Variants in TRPM8 observed in about 807,000 individuals in gnomAD.
The protein encoded by TRPM8 is transient receptor potential cation channel subfamily M member 8, also known as TRPM8 cationic channel.
In TRPM8, 110 loss-of-function variants were observed where a neutral mutation model predicts 133.7. The ratio of observed to expected loss-of-function variants is 0.82; its 90% confidence interval spans 0.70 to 0.96. The LOEUF (loss-of-function observed/expected upper bound fraction) is 0.96. Among genes scored for constraint, TRPM8 ranks in the 40% least tolerant of loss-of-function variants. The pLI is 0.00. For synonymous variants in TRPM8, 535 were observed against 532.3 expected (o/e 1.01, Z -0.07); for missense variants, 1,291 against 1,379.5 (o/e 0.94, Z 1.02).
intron 2 of TRPM8, among the ~76,000 whole-genome samples, 175 bp from the exon 3 acceptor site, chr2:233,930,493 A>G (rs567149299): frequency 1.3e-5 from 2 of 152,342 alleles, no homozygotes; most frequent in Middle Eastern, 3.4e-3. Flanking sequence ...TAAAGTTTGC[A>G]TCTTTAAAAA....
intron 2 of TRPM8, among the ~76,000 whole-genome samples, chr2:233,928,755 T>G (rs1691621311): frequency 6.6e-6 from 1 of 152,192 alleles, no homozygotes. Context: ...AAGAATGCTC[T>G]TGTGCCCACC....
At chr2:233,990,630 G>A (rs1271779068) in intron 21 of TRPM8, among the ~76,000 whole-genome samples, 1 of 152,136 alleles carries the variant, frequency 6.6e-6, no homozygotes, top group East Asian at 1.9e-4. Context: ...ACTAATCACG[G>A]GTTTCTGTGC....
chr2:233,935,289 C>A (rs759660438), intron 3 of TRPM8, among the ~76,000 whole-genome samples: 22 of 152,206 alleles, frequency 1.4e-4, no homozygotes, highest in Non-Finnish European at 2.8e-4. Context: ...TGCAGGGGAT[C>A]CTTGCTCCAG....
At chr2:233,999,445 G>A (rs892247761) in intron 22 of TRPM8, among the ~76,000 whole-genome samples, 3 of 151,876 alleles carry the variant, frequency 2.0e-5, no homozygotes, top group Non-Finnish European at 4.4e-5. Flanking sequence ...CAGACAGAAC[G>A]GGTAGAGAAT....
intron 24 of TRPM8, chr2:234,013,871 GTT>G (rs1340642652): frequency 6.6e-6 from 1 of 152,072 alleles, no homozygotes; most frequent in Non-Finnish European, 1.5e-5. Context: ...TTTTTAAACA[GTT>G]AAAGTAAAAG....
chr2:233,972,524 C>T lies in TRPM8; in HGVS notation c.2355+2098C>T, dbSNP rs181118832. ...CTGGGCGCCATGGAGCAGGGGGTGG[C>T]GCTCGTGGAGGAGGCTCGGGCAGCA... On this transcript the variant is annotated intron_variant, in intron 17 of 25. Transcript: ENST00000324695. 6.1e-3 allele frequency among the ~76,000 whole-genome samples: 923 copies of T among 152,294 alleles called. 12 individuals carry two copies. Among genetic ancestry groups the T allele is most frequent in the African/African-American group, 0.02 (844 of 41,562 alleles).
chr2:233,949,854 G>T (rs575560920), intron 8 of TRPM8, 95 bp from the exon 9 acceptor site: 1 of 1,100,554 alleles, frequency 9.1e-7, no homozygotes, highest in African/African-American at 1.6e-5. Context: ...GGATGTGTCC[G>T]TGTGTTTCCT....
rs532528408 is a variant in TRPM8, at chr2:234,008,196, G to T, written c.3264+93G>T. 1.2e-4 allele frequency: 155 copies of T among 1,274,124 alleles called. No individual in the cohort carries two copies. The East Asian group carries it at 2.1e-3, about 18-fold the overall frequency. The allele number at this position is 1,274,124 out of a possible 1,614,324, so 78.9% of individuals were successfully genotyped here. ...GAGGCCAGTAGTTGTGATAATAAAA[G>T]AAGTTATATTCAGCTTTCTTAATTC... On this transcript the variant is annotated intron_variant, in intron 24 of 25. Coordinates refer to ENST00000324695, the MANE Select transcript of TRPM8 (RefSeq NM_024080.5).
At position 233,996,387 on chromosome 2, in the gene TRPM8, C is replaced by A; in HGVS notation, c.3001C>A (p.Leu1001Met). ...GGTCTGGAAGTTCCAGAGGTACTTC[C>A]TGGTGCAGGAGTACTGCAGCCGCCT... is the stretch of plus-strand genomic sequence containing the variant. The part of the protein sequence containing the change: ...DQVWKFQRYF[L>M]VQEYCSRLNI... The change falls in exon 22 of 26, where the codon CTG becomes ATG. Residue 1001 changes from leucine (L) to methionine (M), a missense_variant. This residue lies in a region of TRPM8 where 328 missense variants were observed against 410.6 expected (regional missense o/e 0.80). Transcript: ENST00000324695. 2 of 1,614,216 alleles carry A rather than the reference C, an allele frequency of 1.2e-6. No homozygotes were observed. Among genetic ancestry groups the A allele is most frequent in the Non-Finnish European group, 1.7e-6 (2 of 1,180,040 alleles).
intron 22 of TRPM8, among the ~76,000 whole-genome samples, chr2:233,998,464 A>G (rs548009799): frequency 6.6e-6 from 1 of 152,158 alleles, no homozygotes; most frequent in African/African-American, 2.4e-5. Context: ...GCATCCTGGG[A>G]ATCCAGTTAG....
chr2:233,974,855 T>C (rs938984133), intron 17 of TRPM8, among the ~76,000 whole-genome samples: 15 of 150,894 alleles, frequency 9.9e-5, no homozygotes, highest in Admixed American at 9.9e-4. Flanking sequence ...AAATGAGTCA[T>C]GAGCACAAAT....
intron 6 of TRPM8, chr2:233,943,088 A>G: frequency 3.4e-6 from 1 of 293,196 alleles, no homozygotes; most frequent in Non-Finnish European, 5.6e-6. Flanking sequence ...TTTTTTTTTT[A>G]CACCCACTAG....
At chr2:233,976,419 A>G (rs1385262252) in intron 17 of TRPM8, among the ~76,000 whole-genome samples, 1 of 152,158 alleles carries the variant, frequency 6.6e-6, no homozygotes, top group African/African-American at 2.4e-5. Flanking sequence ...GGGCAGGGTT[A>G]GCATGAGGTG....
intron 22 of TRPM8, among the ~76,000 whole-genome samples, chr2:234,003,155 T>A (rs1692611435): frequency 6.6e-6 from 1 of 152,232 alleles, no homozygotes; most frequent in African/African-American, 2.4e-5. Flanking sequence ...AACATATTTC[T>A]GTGCTCTCCC....
intron 24 of TRPM8, among the ~76,000 whole-genome samples, chr2:234,010,294 T>C (rs1185414964): frequency 6.6e-6 from 1 of 152,232 alleles, no homozygotes; most frequent in Non-Finnish European, 1.5e-5. Flanking sequence ...ACTTACGCTG[T>C]GGAAAATGGC....
chr2:233,947,875 A>G (rs2125121540), intron 8 of TRPM8, among the ~76,000 whole-genome samples: 1 of 152,322 alleles, frequency 6.6e-6, no homozygotes, highest in East Asian at 1.9e-4. Context: ...TGTATGTCAC[A>G]GGGGTTTTGC....
rs1015747641 is a variant in TRPM8, at chr2:233,983,233, G to C, written c.2761+9G>C. 1.2e-6 allele frequency: 2 copies of C among 1,613,876 alleles called. No homozygotes were observed. The highest frequency in any genetic ancestry group is 2.7e-5 in the African/African-American group (2 of 74,926). On this transcript the variant is annotated intron_variant, in intron 20 of 25. Coordinates refer to ENST00000324695, the MANE Select transcript of TRPM8 (RefSeq NM_024080.5). ...GCCCAGTGACGTGGATGGTAAGCCTGACTTGGCTCAGATGGAAACAGCTTG... is the reference window on the plus strand; with the variant it reads ...GCCCAGTGACGTGGATGGTAAGCCTCACTTGGCTCAGATGGAAACAGCTTG...
intron 2 of TRPM8, among the ~76,000 whole-genome samples, chr2:233,929,054 G>A (rs976710722): frequency 4.0e-5 from 6 of 148,202 alleles, no homozygotes; most frequent in East Asian, 4.0e-4. Flanking sequence ...ACGGTGAGAC[G>A]TGTAACCATT....
chr2:233,925,111 T>A (rs1691488805), intron 1 of TRPM8, among the ~76,000 whole-genome samples: 2 of 152,198 alleles, frequency 1.3e-5, no homozygotes, highest in Non-Finnish European at 2.9e-5. Flanking sequence ...GTGGTGGGTC[T>A]GCTCTGTGTC....
Sources: allele counts gnomAD v4.1 joint callset (sites outside exome capture counted in the v4.1 genomes callset), GRCh38; gene constraint gnomAD v4.1.1; regional missense constraint gnomAD v4.1.1; transcripts MANE v1.5; gene names NCBI Gene and HGNC (gene_info 2026-07-23, HGNC 2026-07-21).